Variants in SLC16A12 observed in about 807,000 individuals in gnomAD.
The protein encoded by SLC16A12 is solute carrier family 16 member 12, also known as monocarboxylate transporter 12.
SLC16A12 carries 17 observed loss-of-function variants against 42.4 expected under a neutral mutation model. The observed-to-expected ratio is 0.40, with a 90% CI of 0.27 to 0.60. The LOEUF is 0.60. Ranked by LOEUF, SLC16A12 falls within the 20% of genes least tolerant of loss-of-function variation. The pLI, the probability that SLC16A12 is intolerant of heterozygous loss-of-function variation, is 0.42. For synonymous variants in SLC16A12, 224 were observed against 229.4 expected (o/e 0.98, Z 0.21); for missense variants, 544 against 623.0 (o/e 0.87, Z 1.35).
At chr10:89,482,509 G>A (rs542539599) in intron 2 of SLC16A12, among the ~76,000 whole-genome samples, 4 of 152,312 alleles carry the variant, frequency 2.6e-5, no homozygotes, top group Admixed American at 2.0e-4. Context: ...TGCCGGGTGT[G>A]ATGGCTCACG....
intron 2 of SLC16A12, among the ~76,000 whole-genome samples, chr10:89,477,512 C>T (rs888882184): frequency 1.4e-5 from 2 of 141,220 alleles, no homozygotes; most frequent in East Asian, 4.2e-4. Flanking sequence ...TGCGTTGAGC[C>T]GAGATTGTGC....
At chr10:89,454,111 C>T (rs1200144527) in intron 3 of SLC16A12, among the ~76,000 whole-genome samples, 2 of 151,904 alleles carry the variant, frequency 1.3e-5, no homozygotes, top group Non-Finnish European at 2.9e-5. Context: ...CTTGACCTCC[C>T]GGGCTCAAGC....
intron 3 of SLC16A12, among the ~76,000 whole-genome samples, chr10:89,460,561 T>G (rs550420508): frequency 6.6e-6 from 1 of 151,806 alleles, no homozygotes; most frequent in South Asian, 2.1e-4. Flanking sequence ...CCATCTCTAC[T>G]AAAAATACAA....
chr10:89,539,747 A>G (rs577201501), upstream of SLC16A12, among the ~76,000 whole-genome samples: 8 of 152,350 alleles, frequency 5.3e-5, no homozygotes, highest in East Asian at 1.5e-3. Flanking sequence ...AGGACTAAAT[A>G]CAAACAGCAT....
chr10:89,452,538 A>G (rs1054252131), intron 3 of SLC16A12, among the ~76,000 whole-genome samples: 30 of 152,198 alleles, frequency 2.0e-4, no homozygotes, highest in African/African-American at 6.3e-4. Context: ...GAAGCTTTCT[A>G]TTTTAGTACA....
chr10:89,534,114 C>T (rs1415150394), intron 2 of SLC16A12, among the ~76,000 whole-genome samples: 1 of 152,166 alleles, frequency 6.6e-6, no homozygotes, highest in Admixed American at 6.5e-5. Flanking sequence ...TTTCTCTAAA[C>T]CCTGTAATTA....
intron 2 of SLC16A12, among the ~76,000 whole-genome samples, chr10:89,499,851 A>G (rs1336066332): frequency 6.6e-6 from 1 of 152,212 alleles, no homozygotes; most frequent in East Asian, 1.9e-4. Flanking sequence ...AGATAAATAA[A>G]ACAAAAGGAT....
chr10:89,507,429 TAAAG>T (rs1462315783), intron 2 of SLC16A12, among the ~76,000 whole-genome samples: 2 of 152,168 alleles, frequency 1.3e-5, no homozygotes, highest in African/African-American at 4.8e-5. Context: ...TCAACATTCT[TAAAG>T]AAAAGAATTT....
chr10:89,514,034 T>G (rs143640364), intron 2 of SLC16A12, among the ~76,000 whole-genome samples: 266 of 152,346 alleles, frequency 1.7e-3, no homozygotes, highest in Non-Finnish European at 2.7e-3. Flanking sequence ...AGTTGATAAC[T>G]GAAATCCTAA....
intron 2 of SLC16A12, among the ~76,000 whole-genome samples, chr10:89,547,051 G>A (rs1843745805): frequency 1.3e-5 from 2 of 152,128 alleles, no homozygotes; most frequent in African/African-American, 4.8e-5. Context: ...GGAGGTGAAG[G>A]GAGGGAACTT....
At chr10:89,500,365 G>C (rs1391674627) in intron 2 of SLC16A12, among the ~76,000 whole-genome samples, 1 of 152,126 alleles carries the variant, frequency 6.6e-6, no homozygotes, top group African/African-American at 2.4e-5. Flanking sequence ...TAATATCCCT[G>C]ATGAATATAG....
chr10:89,479,324 G>A, intron 2 of SLC16A12, among the ~76,000 whole-genome samples: 1 of 151,674 alleles, frequency 6.6e-6, no homozygotes. Context: ...TTTTCATGTG[G>A]GATCTGCCTA....
intron 2 of SLC16A12, among the ~76,000 whole-genome samples, chr10:89,492,988 A>T (rs1056343314): frequency 6.6e-6 from 1 of 152,098 alleles, no homozygotes; most frequent in Non-Finnish European, 1.5e-5. Flanking sequence ...ACCAAATAAG[A>T]CATTTGCTAG....
intron 2 of SLC16A12, among the ~76,000 whole-genome samples, chr10:89,476,041 T>C (rs1842573134): frequency 6.6e-6 from 1 of 152,178 alleles, no homozygotes; most frequent in South Asian, 2.1e-4. Context: ...GGTATAACAT[T>C]GGGTGTAGTG....
chr10:89,535,846 T>TG (rs71022572), upstream of SLC16A12, among the ~76,000 whole-genome samples: 23,564 of 152,132 alleles, frequency 0.15, 2,275 homozygotes, highest in African/African-American at 0.27. Context: ...CCGGCGAGGC[T>TG]GGGGCCGGGG....
intron 2 of SLC16A12, among the ~76,000 whole-genome samples, chr10:89,523,140 T>C (rs931586442): frequency 3.3e-5 from 5 of 152,176 alleles, no homozygotes; most frequent in African/African-American, 1.2e-4. Flanking sequence ...CCTTAGCCTA[T>C]AAATTTACTC....
intron 2 of SLC16A12, among the ~76,000 whole-genome samples, chr10:89,495,300 G>C (rs1842908704): frequency 6.6e-6 from 1 of 152,016 alleles, no homozygotes; most frequent in South Asian, 2.1e-4. Flanking sequence ...GTTGCAGTAA[G>C]CCGAGATCCG....
intron 2 of SLC16A12, among the ~76,000 whole-genome samples, chr10:89,515,812 C>T (rs1247934444): frequency 6.6e-6 from 1 of 152,144 alleles, no homozygotes; most frequent in Non-Finnish European, 1.5e-5. Flanking sequence ...AAAGTCATCA[C>T]AATCAGTACC....
intron 2 of SLC16A12, among the ~76,000 whole-genome samples, chr10:89,469,415 C>T (rs1842458828): frequency 6.6e-6 from 1 of 152,180 alleles, no homozygotes; most frequent in African/African-American, 2.4e-5. Flanking sequence ...TAAAGCACTC[C>T]ATTTGTGGGG....
Sources: gnomAD v4.1 joint callset for allele counts (sites outside exome capture counted in the v4.1 genomes callset) on GRCh38, gnomAD v4.1.1 for gene constraint, MANE v1.5 for transcripts, NCBI Gene and HGNC (gene_info 2026-07-23, HGNC 2026-07-21) for gene names.